Variants in GET3 observed in about 807,000 individuals in gnomAD.
GET3 encodes ATPase GET3.
A neutral mutation model predicts 32.4 loss-of-function variants in GET3; 15 were observed. The observed-to-expected ratio is 0.46, with a 90% CI of 0.31 to 0.71. GET3 has a LOEUF of 0.71. Among genes scored for constraint, GET3 ranks in the 30% least tolerant of loss-of-function variants. GET3 has a pLI of 0.05. For synonymous variants in GET3, 198 were observed against 185.6 expected (o/e 1.07, Z -0.54); for missense variants, 333 against 459.0 (o/e 0.73, Z 2.51).
In GET3 at chr19:12,745,287, G is replaced by C; in HGVS notation, c.310-90G>C. ...ACAGGCTCCCTCTGGCCCTGTGCCC[G>C]GGTAGGAAGGCTCCCCCTGGCCCTG... On this transcript the variant is annotated intron_variant, in intron 2 of 6. Coordinates refer to ENST00000357332, the MANE Select transcript of GET3 (RefSeq NM_004317.4). This position sits in a 1 kb window ranked among gnomAD's most constrained non-coding sequence, Gnocchi z 5.0. The C allele has an allele frequency of 6.7e-7, 1 of 1,503,296 alleles. No individual in the cohort carries two copies. Among genetic ancestry groups the C allele is most frequent in the Non-Finnish European group, 9.0e-7 (1 of 1,113,072 alleles). 93.1% of individuals were successfully genotyped at this position (1,503,296 alleles called of 1,614,324 possible). A position where few individuals can be genotyped will look rare whatever the true frequency, so the allele number is the denominator to read the frequency against.
At position 12,747,422 on chromosome 19, in the gene GET3, A is replaced by C; in HGVS notation, c.745A>C (p.Ile249Leu). The change falls in exon 6 of 7, where the codon ATT becomes CTT. Residue 249 changes from isoleucine to leucine, a missense_variant. Ile to Leu is a conservative substitution (Grantham distance 5, BLOSUM62 2). Transcript: ENST00000357332. This position sits in a 1 kb window ranked among gnomAD's most constrained non-coding sequence, Gnocchi z 4.0. ...GCAGACAACTTTCATCTGCGTATGC[A>C]TTGCTGAGTTCCTGTCCCTGTATGA... ...PEQTTFICVC[I>L]AEFLSLYETE... 6.2e-7 allele frequency: 1 copy of C among 1,613,766 alleles called. No homozygotes were observed. The highest frequency in any genetic ancestry group is 8.5e-7 in the Non-Finnish European group (1 of 1,179,962).
intron 2 of GET3, among the ~76,000 whole-genome samples, chr19:12,743,722 CTTTTTTTTT>C (rs776785337): frequency 1.4e-5 from 1 of 70,406 alleles, no homozygotes; most frequent in African/African-American, 7.6e-5. Flanking sequence ...GACTCCATCT[CTTTTTTTTT>C]TTTTTTTTTT....
upstream of GET3, chr19:12,737,482 T>C (rs772941871): frequency 1.1e-5 from 16 of 1,493,070 alleles, no homozygotes; most frequent in Non-Finnish European, 1.4e-5. Flanking sequence ...TGCGCTCCGC[T>C]GGATCACGTG....
chr19:12,746,344 G>A (rs901297285), intron 4 of GET3, among the ~76,000 whole-genome samples: 1 of 152,136 alleles, frequency 6.6e-6, no homozygotes, highest in African/African-American at 2.4e-5. Flanking sequence ...TGTTGCCCAG[G>A]CTGGTCTTGA....
chr19:12,737,723 G>A, intron 1 of GET3, 57 bp downstream of exon 1: 4 of 1,531,436 alleles, frequency 2.6e-6, no homozygotes, highest in Non-Finnish European at 3.5e-6. Context: ...TGGGCGAAGG[G>A]GAGGCCAAGG....
Position 12,748,242 on chromosome 19 carries a change from C to T in GET3, c.*138C>T, listed in dbSNP as rs897999957. 13 of 821,250 alleles carry T rather than the reference C, an allele frequency of 1.6e-5. No individual in the cohort carries two copies. In the African/African-American group the frequency reaches 1.7e-4, roughly 11 times the overall value. The allele number at this position is 821,250 out of a possible 1,614,324, so 50.9% of individuals were successfully genotyped here. On this transcript the variant is annotated 3_prime_UTR_variant, in exon 7 of 7. Coordinates refer to ENST00000357332, the MANE Select transcript of GET3 (RefSeq NM_004317.4). The stretch of plus-strand genomic sequence containing the variant: ...GCAGGAGGCAGGGAGGGGTCCATTC[C>T]CCCTGGTGGGGCTGGTGGGGAGCTG...
intron 2 of GET3, among the ~76,000 whole-genome samples, chr19:12,744,672 C>T (rs769480697): frequency 8.5e-5 from 13 of 152,242 alleles, no homozygotes; most frequent in Admixed American, 2.6e-4. Flanking sequence ...TCATGCTAAG[C>T]GCTAAGGACA....
Position 12,748,100 on chromosome 19 carries a change from A to C in GET3, c.1043A>C (p.Gln348Pro), listed in dbSNP as rs746267625. The change falls in exon 7 of 7, where the codon CAG (glutamine) becomes CCG (proline). Residue 348 changes from glutamine (Q) to proline (P), a missense_variant. Gln to Pro is a moderately conservative substitution (Grantham distance 76). Coordinates refer to ENST00000357332, the MANE Select transcript of GET3 (RefSeq NM_004317.4). The stretch of plus-strand genomic sequence containing the variant: ...GAGCCCTACAAGCCCCCCAGTGCCC[A>C]GTAGCACAGCTGCCAGCCCCAACCG... ...LLEPYKPPSA[Q>P] 1 of 1,588,408 alleles carries C rather than the reference A, an allele frequency of 6.3e-7. No individual in the cohort carries two copies. The highest frequency in any genetic ancestry group is 1.7e-5 in the Admixed American group (1 of 58,410).
intron 2 of GET3, among the ~76,000 whole-genome samples, chr19:12,740,707 G>A (rs1050339577): frequency 1.3e-5 from 2 of 152,284 alleles, no homozygotes; most frequent in South Asian, 4.2e-4. Flanking sequence ...ATAAAATAAA[G>A]AGATGCTGCA....
At position 12,748,253 on chromosome 19, in the gene GET3, G is replaced by A. The variant is rs2145697875; in HGVS notation, c.*149G>A. 1 of 730,856 alleles carries A rather than the reference G, an allele frequency of 1.4e-6. No individual in the cohort carries two copies. The highest frequency in any genetic ancestry group is 2.5e-5 in the South Asian group (1 of 40,126). 45.3% of individuals were successfully genotyped at this position (730,856 alleles called of 1,614,324 possible). A position where few individuals can be genotyped will look rare whatever the true frequency, so the allele number is the denominator to read the frequency against. Reference sequence around the variant, plus strand: ...GGAGGGGTCCATTCCCCCTGGTGGGGCTGGTGGGGAGCTGTAGTTGCCCCC... The same window carrying A: ...GGAGGGGTCCATTCCCCCTGGTGGGACTGGTGGGGAGCTGTAGTTGCCCCC... On this transcript the variant is annotated 3_prime_UTR_variant, in exon 7 of 7. Transcript: ENST00000357332.
Position 12,745,405 on chromosome 19 carries a change from A to G in GET3, c.338A>G (p.Glu113Gly), listed in dbSNP as rs1199901645. The G allele has an allele frequency of 8.7e-6, 14 of 1,611,864 alleles. No homozygotes were observed. Among genetic ancestry groups the G allele is most frequent in the Non-Finnish European group, 1.2e-5 (14 of 1,179,964 alleles). ...MEIDPSLGVA[E>G]LPDEFFEEDN... is the part of the protein sequence containing the mutation. ...ATTGACCCCAGCCTGGGCGTGGCGGAGCTGCCTGACGAGTTCTTCGAGGAG... is the reference window on the plus strand; with the variant it reads ...ATTGACCCCAGCCTGGGCGTGGCGGGGCTGCCTGACGAGTTCTTCGAGGAG... Residue 113 changes from glutamate to glycine, a missense_variant, in exon 3 of 7, where the codon GAG becomes GGG. Around this residue, in one of 3 missense-constraint regions of GET3, gnomAD observed 230 missense variants for 389.2 expected, o/e 0.59. Transcript: ENST00000357332. The surrounding 1 kb of genome is among the most constrained non-coding windows in gnomAD (Gnocchi z 5.0).
intron 2 of GET3, 117 bp downstream of exon 2, chr19:12,738,775 T>G (rs1967616091): frequency 6.0e-6 from 8 of 1,327,870 alleles, no homozygotes; most frequent in Middle Eastern, 2.4e-4. Context: ...TCTCTCGTGT[T>G]TCACTCCTTC....
intron 2 of GET3, among the ~76,000 whole-genome samples, chr19:12,739,101 G>A (rs1340023499): frequency 2.6e-5 from 4 of 152,130 alleles, no homozygotes; most frequent in Admixed American, 2.0e-4. Context: ...GGTGTAACCA[G>A]TTGAGAGATG....
At chr19:12,742,406 T>C (rs1599449550) in intron 2 of GET3, among the ~76,000 whole-genome samples, 2 of 151,018 alleles carry the variant, frequency 1.3e-5, no homozygotes, top group South Asian at 2.1e-4. Context: ...TAATTTTTGT[T>C]TTGGGGGGGT....
At position 12,737,559 on chromosome 19, in the gene GET3, T is replaced by C; in HGVS notation, c.54T>C (p.Ala18=). The part of the protein sequence containing the change: ...WGVEAEEFED[A]PDVEPLEPTL... The stretch of plus-strand genomic sequence containing the variant: ...TTGAGGCAGAGGAGTTCGAAGATGC[T>C]CCTGATGTGGAGCCGCTGGAGCCTA... The change falls in exon 1 of 7, where the codon GCT becomes GCC. Residue 18 remains alanine, a synonymous_variant. Coordinates refer to ENST00000357332, the MANE Select transcript of GET3 (RefSeq NM_004317.4). 6.2e-7 allele frequency: 1 copy of C among 1,607,552 alleles called. No homozygotes were observed. Among genetic ancestry groups the C allele is most frequent in the Non-Finnish European group, 8.5e-7 (1 of 1,177,558 alleles).
At chr19:12,743,674 C>T (rs1366153932) in intron 2 of GET3, among the ~76,000 whole-genome samples, 2 of 148,162 alleles carry the variant, frequency 1.3e-5, no homozygotes, top group Non-Finnish European at 3.0e-5. Context: ...CCTGTAGTCC[C>T]AGCTACTCAC....
chr19:12,737,424 T>C, upstream of GET3: 1 of 1,360,388 alleles, frequency 7.4e-7, no homozygotes, highest in Non-Finnish European at 9.5e-7. Context: ...TGCTCCTAGC[T>C]TCGCTAGGAA....
intron 1 of GET3, 88 bp downstream of exon 1, chr19:12,737,754 C>G (rs1967600738): frequency 9.5e-6 from 14 of 1,476,570 alleles, no homozygotes; most frequent in Non-Finnish European, 1.2e-5. Context: ...CCACCACGAC[C>G]GGGGCATGGG....
rs777139892 is a variant in GET3 at position 12,745,499 on chromosome 19, G to A, written c.432G>A (p.Glu144=). 5.0e-6 allele frequency: 8 copies of A among 1,613,094 alleles called. No homozygotes were observed. The highest frequency in any genetic ancestry group is 6.8e-6 in the Non-Finnish European group (8 of 1,180,032). Residue 144 remains glutamate, a synonymous_variant, in exon 3 of 7, where the codon GAG becomes GAA. Transcript: ENST00000357332. The surrounding 1 kb of genome is among the most constrained non-coding windows in gnomAD (Gnocchi z 5.0). ...TGAGCGCATTTCCCGGCATCGATGAGGCCATGAGCTATGCCGAGGTCATGA... is the reference window on the plus strand; with the variant it reads ...TGAGCGCATTTCCCGGCATCGATGAAGCCATGAGCTATGCCGAGGTCATGA... ...EAMSAFPGID[E]AMSYAEVMRL...
Sources: allele counts gnomAD v4.1 joint callset (sites outside exome capture counted in the v4.1 genomes callset), GRCh38; gene constraint gnomAD v4.1.1; regional missense constraint gnomAD v4.1.1; non-coding constraint Gnocchi (gnomAD v3.1); transcripts MANE v1.5; gene names NCBI Gene and HGNC (gene_info 2026-07-23, HGNC 2026-07-21).